The following RASGEF1B variants were observed in gnomAD, a reference collection of about 807,000 sequenced individuals.
The protein encoded by RASGEF1B is RasGEF domain family member 1B, also known as ras-GEF domain-containing family member 1B.
RASGEF1B carries 30 observed loss-of-function variants against 65.7 expected under a neutral mutation model. The ratio of observed to expected loss-of-function variants is 0.46; its 90% CI spans 0.34 to 0.62. The LOEUF (loss-of-function observed/expected upper bound fraction) is 0.62. RASGEF1B is among the 20% of genes least tolerant of loss of function. The pLI is 0.01. For synonymous variants in RASGEF1B, 175 were observed against 194.8 expected (o/e 0.90, Z 0.85); for missense variants, 495 against 580.1 (o/e 0.85, Z 1.51).
At chr4:81,467,617 TTG>T (rs1722885811) in intron 1 of RASGEF1B, among the ~76,000 whole-genome samples, 1 of 152,210 alleles carries the variant, frequency 6.6e-6, no homozygotes, top group Non-Finnish European at 1.5e-5. Context: ...AGTTGGCACT[TTG>T]TAGCAGTAAC....
At chr4:81,431,508 C>T (rs180957291) in intron 13 of RASGEF1B, among the ~76,000 whole-genome samples, 2 of 152,124 alleles carry the variant, frequency 1.3e-5, no homozygotes, top group East Asian at 3.9e-4. Context: ...TCCTTTGAAA[C>T]AAACACAACC....
chr4:81,453,419 A>G (rs1178641667), intron 4 of RASGEF1B: 1 of 152,220 alleles, frequency 6.6e-6, no homozygotes, highest in Non-Finnish European at 1.5e-5. Flanking sequence ...CATTACTTAT[A>G]ATAGCTAACG....
chr4:81,440,730 TAA>T, intron 10 of RASGEF1B, 102 bp downstream of exon 10: 1 of 702,106 alleles, frequency 1.4e-6, no homozygotes, highest in Non-Finnish European at 2.5e-6. Context: ...GTCTCTCTCT[TAA>T]ATCTTAACAA....
At chr4:81,440,305 TGA>T (rs1454162634) in intron 10 of RASGEF1B, among the ~76,000 whole-genome samples, 3 of 152,012 alleles carry the variant, frequency 2.0e-5, no homozygotes. Context: ...TAGGGTAGAG[TGA>T]GAAAGGACCA....
intron 4 of RASGEF1B, chr4:81,455,836 A>C (rs1430229105): frequency 6.6e-6 from 1 of 152,270 alleles, no homozygotes; most frequent in Admixed American, 6.5e-5. Context: ...TCTATCCTTA[A>C]ATCAACTTCT....
intron 5 of RASGEF1B, 108 bp downstream of exon 5, chr4:81,447,961 G>A: frequency 1.1e-6 from 1 of 871,502 alleles, no homozygotes; most frequent in Non-Finnish European, 1.9e-6. Flanking sequence ...TTTCCCACTT[G>A]GATTATTCTG....
chr4:81,452,492 A>G (rs1405581859), intron 4 of RASGEF1B: 2 of 152,232 alleles, frequency 1.3e-5, no homozygotes, highest in African/African-American at 4.8e-5. Context: ...CTGCATCAAA[A>G]TATAAGGGAA....
At chr4:81,457,108 C>G (rs1311860931) in intron 3 of RASGEF1B, among the ~76,000 whole-genome samples, 1 of 152,140 alleles carries the variant, frequency 6.6e-6, no homozygotes, top group Non-Finnish European at 1.5e-5. Context: ...AACCTGCCTC[C>G]CAGGTTCAAG....
chr4:81,435,835 C>G (rs929613091), intron 10 of RASGEF1B, among the ~76,000 whole-genome samples: 21 of 134,486 alleles, frequency 1.6e-4, no homozygotes, highest in African/African-American at 5.8e-4. Context: ...GGCTGGAGTA[C>G]GGTGGTGCAA....
At chr4:81,447,416 G>T in intron 6 of RASGEF1B, 88 bp downstream of exon 6, 2 of 982,292 alleles carry the variant, frequency 2.0e-6, no homozygotes, top group Non-Finnish European at 1.6e-6. Flanking sequence ...ACAGAATATA[G>T]TTCTAACTTC....
chr4:81,463,906 A>C (rs184722960), intron 1 of RASGEF1B, among the ~76,000 whole-genome samples: 16 of 152,332 alleles, frequency 1.1e-4, no homozygotes, highest in Admixed American at 5.2e-4. Flanking sequence ...TAAATCCAAT[A>C]TTCAAAGTGC....
At chr4:81,456,515 A>C (rs1051568971) in intron 4 of RASGEF1B, 136 bp downstream of exon 4, 1 of 848,244 alleles carries the variant, frequency 1.2e-6, no homozygotes. Context: ...AAATAGACCA[A>C]TATGTGATGT....
At chr4:81,429,286 T>C (rs1469317347) in intron 13 of RASGEF1B, among the ~76,000 whole-genome samples, 1 of 152,204 alleles carries the variant, frequency 6.6e-6, no homozygotes, top group Non-Finnish European at 1.5e-5. Flanking sequence ...AGGCAGAGTG[T>C]GTGGCTTGAA....
chr4:81,459,173 G>A (rs1045392215), intron 2 of RASGEF1B, 159 bp downstream of exon 2: 20 of 612,678 alleles, frequency 3.3e-5, no homozygotes, highest in African/African-American at 1.1e-4. Flanking sequence ...ATCCAGGCTC[G>A]ATTTGATTTC....
chr4:81,448,793 C>T (rs181842126), intron 4 of RASGEF1B, among the ~76,000 whole-genome samples: 1 of 151,994 alleles, frequency 6.6e-6, no homozygotes, highest in Non-Finnish European at 1.5e-5. Flanking sequence ...CTCACCCCCT[C>T]GAACCACCTT....
At chr4:81,461,868 C>T (rs376646681) in intron 1 of RASGEF1B, among the ~76,000 whole-genome samples, 59 of 152,262 alleles carry the variant, frequency 3.9e-4, no homozygotes, top group African/African-American at 1.3e-3. Context: ...TGAGGCACAT[C>T]GCTGCACTCT....
Position 81,445,626 on chromosome 4 carries a change from A to T in RASGEF1B, c.828T>A (p.Pro276=), listed in dbSNP as rs1721991936. The T allele has an allele frequency of 1.1e-5, 18 of 1,612,072 alleles. No individual in the cohort carries two copies. The highest frequency in any genetic ancestry group is 1.5e-5 in the Non-Finnish European group (18 of 1,178,166). Reference sequence around the variant, plus strand: ...TTCTTGCTCGGTGTTTTTTCTTAACAGGCTACACAGTAAAAGACAATAGAG... The same window carrying T: ...TTCTTGCTCGGTGTTTTTTCTTAACTGGCTACACAGTAAAAGACAATAGAG... ...SYLVATEICM[P]VKKKHRARMI... Residue 276 remains proline, a splice_region_variant and synonymous_variant, in exon 8 of 14, where the codon CCT becomes CCA. Coordinates refer to ENST00000264400, the MANE Select transcript of RASGEF1B (RefSeq NM_152545.3).
intron 4 of RASGEF1B, chr4:81,455,262 C>T (rs1578633631): frequency 1.3e-5 from 2 of 152,276 alleles, no homozygotes; most frequent in Non-Finnish European, 2.9e-5. Context: ...CATAGTGAGG[C>T]TTTGTCTCTA....
At chr4:81,456,861 A>C in intron 3 of RASGEF1B, 73 bp from the exon 4 acceptor site, 2 of 1,322,286 alleles carry the variant, frequency 1.5e-6, no homozygotes, top group Non-Finnish European at 2.1e-6. Context: ...AGTTACAAAG[A>C]GCGTCACTGA....
Sources: gnomAD v4.1 joint callset for allele counts (sites outside exome capture counted in the v4.1 genomes callset) on GRCh38, gnomAD v4.1.1 for gene constraint, MANE v1.5 for transcripts, NCBI Gene and HGNC (gene_info 2026-07-23, HGNC 2026-07-21) for gene names.